Variants in ZNF248 observed in about 807,000 individuals in gnomAD.
ZNF248 encodes the protein zinc finger protein 248.
In ZNF248, 20 loss-of-function variants were observed where a neutral mutation model predicts 44.3. The observed-to-expected ratio is 0.45, with a 90% CI of 0.32 to 0.66. The LOEUF (loss-of-function observed/expected upper bound fraction) is 0.66, where lower values mean the gene tolerates loss of function less well. Ranked by LOEUF, ZNF248 falls within the 30% of genes least tolerant of loss-of-function variation. The pLI is 0.04. For missense variants in ZNF248, 654 were observed against 677.0 expected (o/e 0.97, Z 0.38); for synonymous variants, 224 against 229.0 (o/e 0.98, Z 0.20).
In ZNF248 at chr10:37,844,827, G is replaced by GA. The variant is rs200808985; in HGVS notation, c.16-6717dup. 3.7e-3 allele frequency among the ~76,000 whole-genome samples: 566 copies of GA among 151,770 alleles called. 5 individuals carry two copies. The highest frequency in any genetic ancestry group is 0.013 in the African/African-American group (538 of 41,384). On this transcript the variant is annotated intron_variant, in intron 3 of 5. Transcript: ENST00000395867. Reference sequence around the variant, plus strand: ...AAATGAACAAACAATTCGAAAGACAGAAAAAAAACAGCAACTGGCAGAAGT... The same window carrying GA: ...AAATGAACAAACAATTCGAAAGACAGAAAAAAAAACAGCAACTGGCAGAAGT...
intron 6 of ZNF248, among the ~76,000 whole-genome samples, chr10:37,817,663 T>C (rs1198451576): frequency 1.3e-5 from 2 of 152,152 alleles, no homozygotes; most frequent in Non-Finnish European, 1.5e-5. Context: ...CCAAATGAAT[T>C]CTTTCAAATA....
chr10:37,814,349 CAG>C (rs1343559731), intron 6 of ZNF248, among the ~76,000 whole-genome samples: 1 of 152,054 alleles, frequency 6.6e-6, no homozygotes, highest in Admixed American at 6.6e-5. Context: ...ACATTGTGTC[CAG>C]AGACACAAAA....
intron 5 of ZNF248, among the ~76,000 whole-genome samples, chr10:37,833,435 A>G: frequency 6.6e-6 from 1 of 152,184 alleles, no homozygotes; most frequent in East Asian, 1.9e-4. Flanking sequence ...AGAAATAGAA[A>G]AACTCGGAGA....
In ZNF248 at chr10:37,831,951, T is replaced by C. The variant is rs148219715; in HGVS notation, c.1404A>G (p.Ala468=). The stretch of plus-strand genomic sequence containing the variant: ...ATCTGTGGCAGAAGGATTTCCCACA[T>C]GCATTACATTCATAGGGCTTCTCCC... The part of the protein sequence containing the change: ...HTGEKPYECN[A]CGKSFCHRSA... The change falls in exon 6 of 6, where the codon GCA becomes GCG. Residue 468 remains alanine (A), a synonymous_variant. Transcript: ENST00000395867. 513 of 1,613,954 alleles carry C rather than the reference T, an allele frequency of 3.2e-4. No individual in the cohort carries two copies. The highest frequency in any genetic ancestry group is 4.1e-4 in the Non-Finnish European group (480 of 1,179,928).
intron 6 of ZNF248, chr10:37,820,781 T>G: frequency 8.4e-7 from 1 of 1,194,510 alleles, no homozygotes; most frequent in Non-Finnish European, 1.2e-6. Context: ...TTAAATCTGA[T>G]GTACTCTCCT....
At position 37,830,936 on chromosome 10, in the gene ZNF248, C is replaced by T. The variant is rs1250316591; in HGVS notation, c.*679G>A. 1 of 339,764 alleles carries T rather than the reference C, an allele frequency of 2.9e-6. No individual in the cohort carries two copies. Among genetic ancestry groups the T allele is most frequent in the East Asian group, 1.2e-4 (1 of 8,260 alleles). 21.0% of individuals were successfully genotyped at this position (339,764 alleles called of 1,614,324 possible). A position where few individuals can be genotyped will look rare whatever the true frequency, so the allele number is the denominator to read the frequency against. ...TAATGACTGCTTTTAATAACTGGCT[C>T]ACAAAATTCCTTAAAATTTAACAAT... On this transcript the variant is annotated 3_prime_UTR_variant, in exon 6 of 6. Transcript: ENST00000395867.
chr10:37,850,266 T>G (rs751198785), intron 3 of ZNF248, among the ~76,000 whole-genome samples: 1 of 152,290 alleles, frequency 6.6e-6, no homozygotes, highest in Middle Eastern at 3.4e-3. Flanking sequence ...CATAAATAGT[T>G]GCTAAATGAA....
chr10:37,768,835 T>C, the ZNF248 span, among the ~76,000 whole-genome samples: 1 of 152,170 alleles, frequency 6.6e-6, no homozygotes, highest in Non-Finnish European at 1.5e-5. Context: ...ATCCAGGAGC[T>C]GGTTTTTTGA....
chr10:37,790,034 G>A (rs1355462855), intron 6 of ZNF248, among the ~76,000 whole-genome samples: 1 of 151,820 alleles, frequency 6.6e-6, no homozygotes, highest in Non-Finnish European at 1.5e-5. Flanking sequence ...GGCTGAGGTG[G>A]GCGGATCACA....
At chr10:37,844,099 G>A (rs555715310) in intron 3 of ZNF248, among the ~76,000 whole-genome samples, 2 of 152,092 alleles carry the variant, frequency 1.3e-5, no homozygotes, top group South Asian at 4.1e-4. Context: ...AAAATCCAAA[G>A]AGATCCACTG....
intron 6 of ZNF248, among the ~76,000 whole-genome samples, chr10:37,779,291 C>A (rs2046993255): frequency 6.6e-6 from 1 of 152,178 alleles, no homozygotes; most frequent in South Asian, 2.1e-4. Context: ...CCGAATCCAG[C>A]AACACATCAA....
the ZNF248 span, among the ~76,000 whole-genome samples, chr10:37,769,962 A>G: frequency 2.9e-3 from 441 of 152,326 alleles, 2 homozygotes; most frequent in African/African-American, 0.01. Flanking sequence ...AATCACAAGC[A>G]TTCTTATACA....
chr10:37,787,941 A>G (rs1333198638), intron 6 of ZNF248, among the ~76,000 whole-genome samples: 1 of 152,210 alleles, frequency 6.6e-6, no homozygotes, highest in African/African-American at 2.4e-5. Flanking sequence ...TGCAAGTAAT[A>G]TTTCTGATAA....
intron 6 of ZNF248, among the ~76,000 whole-genome samples, chr10:37,779,563 G>A (rs1242381529): frequency 2.3e-4 from 35 of 150,982 alleles, no homozygotes; most frequent in African/African-American, 8.1e-4. Context: ...ATATCATACT[G>A]AATGGGCAAA....
At chr10:37,792,602 A>T (rs1037621402) in intron 6 of ZNF248, among the ~76,000 whole-genome samples, 1 of 152,240 alleles carries the variant, frequency 6.6e-6, no homozygotes, top group African/African-American at 2.4e-5. Flanking sequence ...GATCAAAGTT[A>T]GCACCATCAG....
downstream of ZNF248, chr10:37,775,646 A>G (rs2046527868): frequency 6.6e-6 from 1 of 152,218 alleles, no homozygotes. Context: ...CTAATGGTCA[A>G]TTTCATTTTT....
In ZNF248 at chr10:37,829,134, C is replaced by T. The variant is rs1321007846; in HGVS notation, c.*2481G>A. 4.1e-6 allele frequency: 4 copies of T among 985,354 alleles called. No individual in the cohort carries two copies. Among genetic ancestry groups the T allele is most frequent in the East Asian group, 1.1e-4 (1 of 8,820 alleles). The allele number at this position is 985,354 out of a possible 1,614,324, so 61.0% of individuals were successfully genotyped here. A position where few individuals can be genotyped will look rare whatever the true frequency, so the allele number is the denominator to read the frequency against. On this transcript the variant is annotated 3_prime_UTR_variant, in exon 6 of 6. Coordinates refer to ENST00000395867, the MANE Select transcript of ZNF248 (RefSeq NM_021045.3). ...TCCAGCAGATGTATCTGGTTGGTTT[C>T]TCCAAAGAGAGACACCAGCAATTTG...
chr10:37,822,304 T>C (rs556063907), intron 6 of ZNF248, among the ~76,000 whole-genome samples: 1 of 152,230 alleles, frequency 6.6e-6, no homozygotes, highest in African/African-American at 2.4e-5. Flanking sequence ...GAAAAAAACA[T>C]TTAAATAAAG....
At chr10:37,853,069 C>T (rs1003201250) in intron 3 of ZNF248, among the ~76,000 whole-genome samples, 4 of 152,114 alleles carry the variant, frequency 2.6e-5, no homozygotes, top group Non-Finnish European at 4.4e-5. Flanking sequence ...CACCCTCGAT[C>T]TCTTGACCTC....
Sources: gnomAD v4.1 joint callset for allele counts (sites outside exome capture counted in the v4.1 genomes callset) on GRCh38, gnomAD v4.1.1 for gene constraint, MANE v1.5 for transcripts, NCBI Gene and HGNC (gene_info 2026-07-23, HGNC 2026-07-21) for gene names.